Variants in CNTN5 observed in about 807,000 individuals in gnomAD.
CNTN5 encodes the protein contactin-5.
CNTN5 carries 77 observed loss-of-function variants against 129.1 expected under a neutral mutation model. The ratio of observed to expected loss-of-function variants is 0.60; its 90% CI spans 0.50 to 0.72. The LOEUF (loss-of-function observed/expected upper bound fraction) is 0.72, where lower values mean the gene tolerates loss of function less well. Among genes scored for constraint, CNTN5 ranks in the 30% least tolerant of loss-of-function variants. CNTN5 has a pLI of 0.00. For missense variants in CNTN5, 1,478 were observed against 1,328.8 expected (o/e 1.11, Z -1.75); for synonymous variants, 509 against 465.6 (o/e 1.09, Z -1.20).
At chr11:99,782,106 G>A (rs1423417600) in intron 3 of CNTN5, among the ~76,000 whole-genome samples, 1 of 151,246 alleles carries the variant, frequency 6.6e-6, no homozygotes, top group Non-Finnish European at 1.5e-5. Flanking sequence ...ATCTCCTTAA[G>A]CTGATAAGCA....
At chr11:100,149,912 A>C (rs1238221014) in intron 13 of CNTN5, among the ~76,000 whole-genome samples, 1 of 150,564 alleles carries the variant, frequency 6.6e-6, no homozygotes, top group Non-Finnish European at 1.5e-5. Context: ...AAAAAAGAAA[A>C]GAAAAGAAAA....
At chr11:99,145,182 G>A (rs2135472751) in intron 1 of CNTN5, among the ~76,000 whole-genome samples, 1 of 152,210 alleles carries the variant, frequency 6.6e-6, no homozygotes, top group Non-Finnish European at 1.5e-5. Context: ...CAATTCTCGT[G>A]CCTCAGCCTC....
chr11:99,063,257 C>T (rs904042239), intron 1 of CNTN5, among the ~76,000 whole-genome samples: 14 of 151,908 alleles, frequency 9.2e-5, no homozygotes, highest in African/African-American at 3.1e-4. Flanking sequence ...ATCATTAGTT[C>T]GAGGACATGC....
At chr11:99,497,704 T>A (rs1459632245) in intron 2 of CNTN5, among the ~76,000 whole-genome samples, 1 of 152,162 alleles carries the variant, frequency 6.6e-6, no homozygotes, top group Non-Finnish European at 1.5e-5. Flanking sequence ...TGTTTGAAAT[T>A]GGAGACTTCT....
At chr11:99,031,539 C>A (rs1054879430) in intron 1 of CNTN5, among the ~76,000 whole-genome samples, 3 of 151,662 alleles carry the variant, frequency 2.0e-5, no homozygotes, top group African/African-American at 7.3e-5. Flanking sequence ...GTGAAGAAAG[C>A]CACCAAGCAG....
chr11:99,456,052 T>C (rs965939505), intron 2 of CNTN5, among the ~76,000 whole-genome samples: 1 of 152,162 alleles, frequency 6.6e-6, no homozygotes, highest in African/African-American at 2.4e-5. Flanking sequence ...AATACCATAG[T>C]TTCTAAAGAC....
intron 13 of CNTN5, among the ~76,000 whole-genome samples, chr11:100,169,733 G>T (rs773412902): frequency 7.2e-5 from 11 of 151,914 alleles, no homozygotes; most frequent in Non-Finnish European, 1.5e-4. Context: ...AACTAAATCC[G>T]CAATAGTTCT....
At chr11:99,813,120 G>A (rs1315401068) in intron 3 of CNTN5, among the ~76,000 whole-genome samples, 14 of 151,912 alleles carry the variant, frequency 9.2e-5, no homozygotes. Context: ...CTAACCCATC[G>A]TAGGCATTCA....
intron 13 of CNTN5, among the ~76,000 whole-genome samples, chr11:100,124,271 A>G (rs1946114735): frequency 6.6e-6 from 1 of 152,032 alleles, no homozygotes; most frequent in Admixed American, 6.6e-5. Flanking sequence ...TGAAAACTGG[A>G]TATTAGAAAT....
At chr11:99,517,487 C>T (rs1249375847) in intron 2 of CNTN5, among the ~76,000 whole-genome samples, 1 of 152,074 alleles carries the variant, frequency 6.6e-6, no homozygotes, top group Non-Finnish European at 1.5e-5. Flanking sequence ...AATCTGGTCC[C>T]TGCTCATCAC....
chr11:100,007,898 A>AACTGACAG (rs747245962), intron 9 of CNTN5, among the ~76,000 whole-genome samples: 28 of 152,074 alleles, frequency 1.8e-4, no homozygotes, highest in Non-Finnish European at 2.8e-4. Flanking sequence ...CTTTGATTTA[A>AACTGACAG]ACTGACAGAT....
chr11:100,317,283 G>C (rs183777307), intron 21 of CNTN5, among the ~76,000 whole-genome samples: 1 of 152,214 alleles, frequency 6.6e-6, no homozygotes, highest in Admixed American at 6.5e-5. Flanking sequence ...ACTTTGTATG[G>C]GGGGGAGGAA....
At chr11:99,619,702 C>G (rs555161737) in intron 3 of CNTN5, among the ~76,000 whole-genome samples, 14 of 152,052 alleles carry the variant, frequency 9.2e-5, no homozygotes, top group Admixed American at 2.0e-4. Context: ...TTAAAAAGTT[C>G]TTTCAGGTCT....
intron 2 of CNTN5, among the ~76,000 whole-genome samples, chr11:99,503,375 G>C (rs1006230461): frequency 2.6e-5 from 4 of 152,154 alleles, no homozygotes; most frequent in Non-Finnish European, 4.4e-5. Context: ...AGACAGCAAC[G>C]TGTCTGGGTA....
chr11:99,139,540 ATTAG>A (rs1281451206), intron 1 of CNTN5, among the ~76,000 whole-genome samples: 7 of 152,348 alleles, frequency 4.6e-5, no homozygotes, highest in South Asian at 2.1e-4. Flanking sequence ...TTCATTAAAC[ATTAG>A]TTAAAGAGCA....
chr11:99,090,721 GAAAA>G (rs934808247), intron 1 of CNTN5, among the ~76,000 whole-genome samples: 1 of 94,128 alleles, frequency 1.1e-5, no homozygotes, highest in Non-Finnish European at 2.2e-5. Context: ...GTGCTCACCA[GAAAA>G]AAAAAAAAAA....
Position 99,121,138 on chromosome 11 carries a change from T to TCTTTC in CNTN5, c.-210+99868_-210+99869insCTTTC, listed in dbSNP as rs201431995. On this transcript the variant is annotated intron_variant, in intron 1 of 24. Transcript: ENST00000524871. ...TTTAACTGTTCTTTCTTTCTTTCTT[T>TCTTTC]TTTTTTTTTTTTTTGAGATCGAGTC... Among the ~76,000 whole-genome samples, 643 of 146,876 alleles carry TCTTTC rather than the reference T, an allele frequency of 4.4e-3. 2 individuals are homozygous for TCTTTC. The highest frequency in any genetic ancestry group is 8.6e-3 in the African/African-American group (346 of 40,226).
intron 1 of CNTN5, among the ~76,000 whole-genome samples, chr11:99,263,681 A>G (rs1466195507): frequency 3.3e-5 from 5 of 152,062 alleles, no homozygotes; most frequent in African/African-American, 1.2e-4. Flanking sequence ...CAGTGGTGTG[A>G]TCATGGCTCA....
At chr11:99,589,032 T>C (rs1295035947) in intron 3 of CNTN5, among the ~76,000 whole-genome samples, 1 of 152,184 alleles carries the variant, frequency 6.6e-6, no homozygotes, top group African/African-American at 2.4e-5. Flanking sequence ...TGATAGGTAG[T>C]GTGCTGGATT....
Sources: allele counts gnomAD v4.1 joint callset (sites outside exome capture counted in the v4.1 genomes callset), GRCh38; gene constraint gnomAD v4.1.1; transcripts MANE v1.5; gene names NCBI Gene and HGNC (gene_info 2026-07-23, HGNC 2026-07-21).